TRIM37: variants seen among roughly 807,000 people sequenced by gnomAD.
TRIM37 encodes the protein E3 ubiquitin-protein ligase TRIM37.
A neutral mutation model predicts 129.8 loss-of-function variants in TRIM37; 80 were observed. The observed-to-expected ratio is 0.62, with a 90% CI of 0.51 to 0.74. The LOEUF is 0.74. Ranked by LOEUF, TRIM37 falls within the 30% of genes least tolerant of loss-of-function variation. The probability of loss-of-function intolerance (pLI) is 0.00; values close to 1 mark genes in which losing one functional copy is unlikely to be tolerated. For missense variants in TRIM37, 1,054 were observed against 1,176.5 expected, an observed-to-expected ratio of 0.90 and a Z score of 1.52; for synonymous variants, 389 against 387.1, an observed-to-expected ratio of 1.00 and a Z score of -0.06.
Position 59,106,595 on chromosome 17 carries a change from C to A in TRIM37, c.-134G>T, listed in dbSNP as rs1209170931. On this transcript the variant is annotated 5_prime_UTR_variant, in exon 1 of 24. Coordinates refer to ENST00000262294, the MANE Select transcript of TRIM37 (RefSeq NM_015294.6). ...CCACGTCAGGGGGCTCTGACAACCGCCCCACCTGCGCGCCCCATCTCTTCA... is the reference window on the plus strand; with the variant it reads ...CCACGTCAGGGGGCTCTGACAACCGACCCACCTGCGCGCCCCATCTCTTCA... The A allele has an allele frequency of 4.8e-5, 50 of 1,046,840 alleles. No homozygotes were observed. The highest frequency in any genetic ancestry group is 6.3e-5 in the Non-Finnish European group (44 of 694,846). 64.8% of individuals were successfully genotyped at this position (1,046,840 alleles called of 1,614,324 possible). A position where few individuals can be genotyped will look rare whatever the true frequency, so the allele number is the denominator to read the frequency against.
At chr17:59,097,798 A>G (rs964174118) in intron 2 of TRIM37, among the ~76,000 whole-genome samples, 1 of 152,218 alleles carries the variant, frequency 6.6e-6, no homozygotes, top group Non-Finnish European at 1.5e-5. Flanking sequence ...CAAAGAAGTT[A>G]AAGAAGTCCT....
downstream of TRIM37, chr17:58,980,844 A>C (rs1401743323): frequency 6.2e-7 from 1 of 1,614,204 alleles, no homozygotes; most frequent in Non-Finnish European, 8.5e-7. This position sits in a 1 kb window ranked among gnomAD's most constrained non-coding sequence, Gnocchi z 4.7. Context: ...CTCTCTGCTC[A>C]AGAGCCTTCC....
chr17:58,992,973 A>G (rs1448201542), intron 24 of TRIM37, among the ~76,000 whole-genome samples: 1 of 152,160 alleles, frequency 6.6e-6, no homozygotes, highest in African/African-American at 2.4e-5. Context: ...CCCTAGGCAT[A>G]TATGGTTTGG....
chr17:58,969,510 C>G, the TRIM37 span: 1 of 1,611,584 alleles, frequency 6.2e-7, no homozygotes, highest in Non-Finnish European at 8.5e-7. Flanking sequence ...TACCCAACTC[C>G]CATAACTGTT....
At chr17:59,081,820 T>C (rs1037442918) in intron 5 of TRIM37, among the ~76,000 whole-genome samples, 1 of 150,748 alleles carries the variant, frequency 6.6e-6, no homozygotes, top group African/African-American at 2.4e-5. Context: ...GACATGAGAA[T>C]TGCTTGAACC....
At chr17:58,978,066 A>G (rs182062571), downstream of TRIM37, among the ~76,000 whole-genome samples, 14 of 152,326 alleles carry the variant, frequency 9.2e-5, no homozygotes, top group East Asian at 2.5e-3. Context: ...CCTATAACAG[A>G]TACTAGAAAT....
intron 3 of TRIM37, among the ~76,000 whole-genome samples, chr17:59,089,039 A>G (rs1330103463): frequency 6.6e-6 from 1 of 152,060 alleles, no homozygotes; most frequent in African/African-American, 2.4e-5. Flanking sequence ...AGGCAGGTAG[A>G]TTGCTTGAGC....
intron 9 of TRIM37, among the ~76,000 whole-genome samples, chr17:59,064,860 G>A (rs1470017154): frequency 2.7e-5 from 4 of 149,126 alleles, no homozygotes; most frequent in Non-Finnish European, 4.5e-5. Context: ...GCGGTGATTC[G>A]AGATTGCACT....
At chr17:58,973,025 C>A in the TRIM37 span, 83 of 726,378 alleles carry the variant, frequency 1.1e-4, no homozygotes, top group Non-Finnish European at 1.8e-4. Context: ...ATTTATGTTA[C>A]CAGAATGCTT....
intron 19 of TRIM37, among the ~76,000 whole-genome samples, chr17:59,018,060 G>C (rs781028845): frequency 6.6e-6 from 1 of 152,082 alleles, no homozygotes; most frequent in Non-Finnish European, 1.5e-5. Flanking sequence ...GGATTAAAAA[G>C]AAAAATCAAT....
At chr17:58,980,836 C>G (rs2031314326), downstream of TRIM37, 1 of 1,614,208 alleles carries the variant, frequency 6.2e-7, no homozygotes, top group Non-Finnish European at 8.5e-7. The surrounding 1 kb of genome is among the most constrained non-coding windows in gnomAD (Gnocchi z 4.7). Context: ...ATTCATTTCT[C>G]TCTGCTCAAG....
At chr17:58,986,150 A>C (rs935198984) in intron 24 of TRIM37, among the ~76,000 whole-genome samples, 1 of 151,984 alleles carries the variant, frequency 6.6e-6, no homozygotes, top group African/African-American at 2.4e-5. Context: ...AAGCTGCATA[A>C]CTGAGCATTC....
chr17:59,063,704 C>A (rs1462013158), intron 10 of TRIM37, among the ~76,000 whole-genome samples: 1 of 152,200 alleles, frequency 6.6e-6, no homozygotes, highest in African/African-American at 2.4e-5. Flanking sequence ...GGCCCCTTAT[C>A]CACAATTCTT....
At chr17:59,037,537 A>G (rs909348418) in intron 17 of TRIM37, among the ~76,000 whole-genome samples, 16 of 130,212 alleles carry the variant, frequency 1.2e-4, no homozygotes, top group African/African-American at 1.2e-4. Context: ...CAGCCCGGGC[A>G]ACAGAGCAAG....
intron 24 of TRIM37, chr17:58,984,841 C>T (rs1320224843): frequency 6.6e-6 from 1 of 152,396 alleles, no homozygotes; most frequent in Non-Finnish European, 1.5e-5. Context: ...CAGACTGACA[C>T]AGCAGTTGTT....
chr17:59,104,283 T>C lies in TRIM37; in HGVS notation c.123+10A>G, dbSNP rs1157270367. 3.7e-6 allele frequency: 6 copies of C among 1,610,910 alleles called. No individual in the cohort carries two copies. The highest frequency in any genetic ancestry group is 3.3e-5 in the Admixed American group (2 of 60,016). On this transcript the variant is annotated intron_variant, in intron 2 of 23. Transcript: ENST00000262294. Reference sequence around the variant, plus strand: ...TATACTAACTGCATGTAAAAAGAAATACAACTTACCCTAATACAGCTGAAA... The same window carrying C: ...TATACTAACTGCATGTAAAAAGAAACACAACTTACCCTAATACAGCTGAAA...
intron 19 of TRIM37, among the ~76,000 whole-genome samples, chr17:59,026,226 C>G (rs886834992): frequency 5.9e-5 from 9 of 152,152 alleles, no homozygotes; most frequent in African/African-American, 2.2e-4. Context: ...GCAAGCAAGT[C>G]AGACCCTTCC....
chr17:58,977,903 C>T (rs534066282), downstream of TRIM37, among the ~76,000 whole-genome samples: 24 of 152,158 alleles, frequency 1.6e-4, no homozygotes, highest in Middle Eastern at 3.4e-3. Context: ...CCACCAGGCC[C>T]GGCTAATTTT....
chr17:59,009,040 G>A (rs1351554169), intron 22 of TRIM37, among the ~76,000 whole-genome samples: 1 of 152,196 alleles, frequency 6.6e-6, no homozygotes, highest in Non-Finnish European at 1.5e-5. Context: ...TTCCAAGGGT[G>A]GATTAGGGAC....
Sources: gnomAD v4.1 joint callset for allele counts (sites outside exome capture counted in the v4.1 genomes callset) on GRCh38, gnomAD v4.1.1 for gene constraint, Gnocchi (gnomAD v3.1) non-coding constraint, MANE v1.5 for transcripts, NCBI Gene and HGNC (gene_info 2026-07-23, HGNC 2026-07-21) for gene names.